Variants in LSAMP observed in about 807,000 individuals in gnomAD.
LSAMP encodes the protein limbic system associated membrane protein.
Under a neutral mutation model 38.6 loss-of-function variants are expected in LSAMP, and 7 were observed. The observed-to-expected ratio is 0.18, with a 90% confidence interval of 0.10 to 0.34. The LOEUF (loss-of-function observed/expected upper bound fraction) is 0.34, where lower values mean the gene tolerates loss of function less well. Among genes scored for constraint, LSAMP ranks in the 10% least tolerant of loss-of-function variants. LSAMP has a pLI of 1.00. For missense variants in LSAMP, 313 were observed against 420.0 expected (o/e 0.75, Z 2.23); for synonymous variants, 154 against 166.8 (o/e 0.92, Z 0.59).
intron 1 of LSAMP, among the ~76,000 whole-genome samples, chr3:116,267,048 T>TCTAA (rs2046901328): frequency 6.6e-6 from 1 of 152,136 alleles, no homozygotes; most frequent in South Asian, 2.1e-4. Flanking sequence ...TGCAGGTATT[T>TCTAA]CTAACTACTA....
rs111826016 is a variant in LSAMP at position 116,350,625 on chromosome 3, C to CTT, written c.155+94250_155+94251dup. Among the ~76,000 whole-genome samples, 240 of 136,098 alleles carry CTT rather than the reference C, an allele frequency of 1.8e-3. 4 individuals are homozygous for CTT. The highest frequency in any genetic ancestry group is 6.4e-3 in the African/African-American group (220 of 34,460). 89.3% of individuals were successfully genotyped at this position (136,098 alleles called of 152,430 possible). On this transcript the variant is annotated intron_variant, in intron 1 of 6. Coordinates refer to ENST00000490035, the MANE Select transcript of LSAMP (RefSeq NM_002338.5). ...TATCACAGTGCTTATGTCAAGGAAC[C>CTT]TTTTTTTTTTTTTACTTAATAATGG... is the stretch of plus-strand genomic sequence containing the variant.
At chr3:115,949,579 A>T (rs1938215891) in intron 3 of LSAMP, among the ~76,000 whole-genome samples, 1 of 152,030 alleles carries the variant, frequency 6.6e-6, no homozygotes, top group Non-Finnish European at 1.5e-5. Flanking sequence ...AGACTGAAAC[A>T]CTAATAAAAA....
chr3:116,161,488 T>A (rs1373079830), intron 1 of LSAMP, among the ~76,000 whole-genome samples: 1 of 152,212 alleles, frequency 6.6e-6, no homozygotes, highest in East Asian at 1.9e-4. Context: ...CATTAGATGA[T>A]GTGGCAGCCT....
intron 1 of LSAMP, among the ~76,000 whole-genome samples, chr3:116,412,840 T>C (rs565346834): frequency 6.6e-6 from 1 of 152,142 alleles, no homozygotes; most frequent in East Asian, 1.9e-4. Flanking sequence ...GCAGCATCAG[T>C]ATAGTATTGG....
chr3:116,080,092 C>G (rs538473911), intron 2 of LSAMP, among the ~76,000 whole-genome samples: 7 of 152,174 alleles, frequency 4.6e-5, no homozygotes, highest in Admixed American at 3.9e-4. Context: ...AAATAACTTG[C>G]CATAGACCGG....
intron 1 of LSAMP, among the ~76,000 whole-genome samples, chr3:116,176,813 A>C (rs551924349): frequency 6.6e-6 from 1 of 152,260 alleles, no homozygotes; most frequent in Admixed American, 6.5e-5. Context: ...GGTCTACATA[A>C]GTGACTTTCA....
chr3:116,334,367 G>A (rs943061829), intron 1 of LSAMP, among the ~76,000 whole-genome samples: 2 of 151,992 alleles, frequency 1.3e-5, no homozygotes, highest in African/African-American at 4.8e-5. Flanking sequence ...CATCAAAGAG[G>A]ACAGAACACC....
At chr3:116,377,768 T>G (rs1185301153) in intron 1 of LSAMP, among the ~76,000 whole-genome samples, 2 of 152,040 alleles carry the variant, frequency 1.3e-5, no homozygotes, top group African/African-American at 2.4e-5. Flanking sequence ...CCTTTATATA[T>G]GTATATGTGT....
chr3:115,968,511 G>T (rs1938902267), intron 3 of LSAMP, among the ~76,000 whole-genome samples: 1 of 152,118 alleles, frequency 6.6e-6, no homozygotes, highest in South Asian at 2.1e-4. Flanking sequence ...ACCTGGAATG[G>T]GGACCTCGGA....
At chr3:116,301,627 A>G (rs1192444046) in intron 1 of LSAMP, among the ~76,000 whole-genome samples, 1 of 152,142 alleles carries the variant, frequency 6.6e-6, no homozygotes, top group Non-Finnish European at 1.5e-5. Flanking sequence ...TATGCATTTC[A>G]TTGGATTGAG....
rs1238670873 is a variant in LSAMP at position 116,401,765 on chromosome 3, G to T, written c.155+43112C>A. Among the ~76,000 whole-genome samples, 28 of 152,012 alleles carry T rather than the reference G, an allele frequency of 1.8e-4. 1 individual carries two copies. Among genetic ancestry groups the T allele is most frequent in the Non-Finnish European group, 1.2e-4 (8 of 68,008 alleles). On this transcript the variant is annotated intron_variant, in intron 1 of 6. Transcript: ENST00000490035. ...ATTCATAGAGATAGACCAAGTTAAG[G>T]CTATATATGTTCTGTCATATAATAT...
intron 1 of LSAMP, among the ~76,000 whole-genome samples, chr3:116,433,606 T>C (rs2049309755): frequency 6.6e-6 from 1 of 152,200 alleles, no homozygotes; most frequent in Non-Finnish European, 1.5e-5. Context: ...GAATAACCAG[T>C]TTTAGTCAAA....
chr3:115,927,151 C>T (rs1038587815), intron 3 of LSAMP, among the ~76,000 whole-genome samples: 2 of 152,084 alleles, frequency 1.3e-5, no homozygotes, highest in African/African-American at 4.8e-5. Context: ...GACCAAGCAA[C>T]GGTGCTTTGG....
chr3:116,113,488 G>A (rs372660366), intron 1 of LSAMP, among the ~76,000 whole-genome samples: 2 of 138,646 alleles, frequency 1.4e-5, no homozygotes, highest in African/African-American at 5.4e-5. Flanking sequence ...TGCAGTGGCG[G>A]GATCTCGGCT....
chr3:115,939,585 T>TTTCTTTC (rs58450242), intron 3 of LSAMP, among the ~76,000 whole-genome samples: 18 of 150,290 alleles, frequency 1.2e-4, no homozygotes, highest in South Asian at 2.1e-4. Flanking sequence ...TCTTTCTTTC[T>TTTCTTTC]GTTAAGAGAC....
chr3:115,886,614 G>A (rs902989217), intron 3 of LSAMP, among the ~76,000 whole-genome samples: 2 of 151,798 alleles, frequency 1.3e-5, no homozygotes, highest in African/African-American at 4.8e-5. Flanking sequence ...ATTGTTATTG[G>A]TGCTTTCACT....
chr3:116,397,074 G>C (rs13077694), intron 1 of LSAMP, among the ~76,000 whole-genome samples: 14 of 152,108 alleles, frequency 9.2e-5, no homozygotes, highest in Admixed American at 3.3e-4. Context: ...CTTTGAAAAC[G>C]TTAAGTCATC....
intron 1 of LSAMP, among the ~76,000 whole-genome samples, chr3:116,302,934 A>G (rs573815265): frequency 6.6e-6 from 1 of 152,326 alleles, no homozygotes; most frequent in Admixed American, 6.5e-5. Context: ...AGCCTATAAA[A>G]TAAATATATC....
At chr3:116,137,438 A>C (rs1003856644) in intron 1 of LSAMP, among the ~76,000 whole-genome samples, 1 of 152,158 alleles carries the variant, frequency 6.6e-6, no homozygotes, top group African/African-American at 2.4e-5. Flanking sequence ...ATTTGTCAAT[A>C]ATATGGATGC....
Sources: allele counts gnomAD v4.1 joint callset (sites outside exome capture counted in the v4.1 genomes callset), GRCh38; gene constraint gnomAD v4.1.1; transcripts MANE v1.5; gene names NCBI Gene and HGNC (gene_info 2026-07-23, HGNC 2026-07-21).